SZT2: variants seen among roughly 807,000 people sequenced by gnomAD.
The protein encoded by SZT2 is SZT2 subunit of KICSTOR complex.
In SZT2, 216 loss-of-function variants were observed where a neutral mutation model predicts 404.2. The ratio of observed to expected loss-of-function variants is 0.53; its 90% CI spans 0.48 to 0.60. The LOEUF (loss-of-function observed/expected upper bound fraction) is 0.60, where lower values mean the gene tolerates loss of function less well. Ranked by LOEUF, SZT2 falls within the 20% of genes least tolerant of loss-of-function variation. SZT2 has a pLI of 0.00. For missense variants in SZT2, 3,857 were observed against 4,459.2 expected, an observed-to-expected ratio of 0.86 and a Z score of 3.85; for synonymous variants, 1,693 against 1,749.9, an observed-to-expected ratio of 0.97 and a Z score of 0.81.
At chr1:43,390,018 A>G (rs1648082704) in intron 1 of SZT2, 23 bp downstream of exon 1, 7 of 1,380,806 alleles carry the variant, frequency 5.1e-6, no homozygotes, top group Non-Finnish European at 6.5e-6. Context: ...CGGGCGCAGC[A>G]CTGGGCCCCG....
At chr1:43,407,767 AAAC>A (rs1396799576) in intron 4 of SZT2, among the ~76,000 whole-genome samples, 1 of 152,060 alleles carries the variant, frequency 6.6e-6, no homozygotes, top group Non-Finnish European at 1.5e-5. Context: ...CAATACCCAG[AAAC>A]AACAGGAGTT....
Position 43,425,409 on chromosome 1 carries a change from C to T in SZT2, c.2646-65C>T. The T allele has an allele frequency of 6.3e-7, 1 of 1,597,066 alleles. No homozygotes were observed. Among genetic ancestry groups the T allele is most frequent in the Non-Finnish European group, 8.6e-7 (1 of 1,169,430 alleles). On this transcript the variant is annotated intron_variant, in intron 18 of 71. Transcript: ENST00000634258. This position sits in a 1 kb window ranked among gnomAD's most constrained non-coding sequence, Gnocchi z 4.3. ...GGCTGTCCTCTGTGCCTGCCTCCTT[C>T]CCTCCATGAGGTTCACTCCCTGCCA...
chr1:43,450,277 G>GCCTCCTATCCCCACCCATGCCCTC lies in SZT2; in HGVS notation c.10156-58_10156-35dup. On this transcript the variant is annotated intron_variant, in intron 71 of 71. Coordinates refer to ENST00000634258, the MANE Select transcript of SZT2 (RefSeq NM_001365999.1). The surrounding 1 kb of genome is among the most constrained non-coding windows in gnomAD (Gnocchi z 4.3). ...GGGGTGCCCACCCTTTCTGAGCCCT[G>GCCTCCTATCCCCACCCATGCCCTC]CCTCCTATCCCCACCCATGCCCTCC... 1 of 1,613,536 alleles carries GCCTCCTATCCCCACCCATGCCCTC rather than the reference G, an allele frequency of 6.2e-7. No individual in the cohort carries two copies. Among genetic ancestry groups the GCCTCCTATCCCCACCCATGCCCTC allele is most frequent in the East Asian group, 2.2e-5 (1 of 44,884 alleles).
chr1:43,404,071 A>G (rs1650002371), intron 3 of SZT2: 2 of 518,122 alleles, frequency 3.9e-6, no homozygotes, highest in East Asian at 3.2e-5. Flanking sequence ...TTAGCCAGGC[A>G]TGCTGGCATG....
rs139763113 is a variant in SZT2, at chr1:43,425,323, G to T, written c.2645+116G>T. 1.2e-5 allele frequency: 18 copies of T among 1,511,516 alleles called. No homozygotes were observed. Among genetic ancestry groups the T allele is most frequent in the Non-Finnish European group, 1.6e-5 (18 of 1,102,856 alleles). 93.6% of individuals were successfully genotyped at this position (1,511,516 alleles called of 1,614,324 possible). A position where few individuals can be genotyped will look rare whatever the true frequency, so the allele number is the denominator to read the frequency against. ...TCTTGATCCCAAAGTCAGGGAGGGG[G>T]TGCGGTGTTTAGATGCTTCATCAGG... On this transcript the variant is annotated intron_variant, in intron 18 of 71. Transcript: ENST00000634258. The surrounding 1 kb of genome is among the most constrained non-coding windows in gnomAD (Gnocchi z 4.3).
At chr1:43,415,727 T>G (rs749371448) in intron 5 of SZT2, among the ~76,000 whole-genome samples, 3 of 152,234 alleles carry the variant, frequency 2.0e-5, no homozygotes, top group Admixed American at 2.0e-4. Flanking sequence ...CCTACTTCAG[T>G]ACAGTCTGAA....
At chr1:43,427,496 A>C in intron 25 of SZT2, 34 bp from the exon 26 acceptor site, 1 of 1,613,798 alleles carries the variant, frequency 6.2e-7, no homozygotes, top group Non-Finnish European at 8.5e-7. Flanking sequence ...AAACAGATAG[A>C]GCTGGAAGAC....
In SZT2 at chr1:43,404,507, C is replaced by A. The variant is rs148786528; in HGVS notation, c.455C>A (p.Thr152Asn). The change falls in exon 4 of 72, where the codon ACT (threonine) becomes AAT (asparagine). Residue 152 changes from threonine (T) to asparagine (N), a missense_variant. Transcript: ENST00000634258. ...GACTTCCAGCCTGAGATCTATGTAA[C>A]TATCCAGGCCTACTCCTCCATCATT... ...CIDFQPEIYV[T>N]IQAYSSIIGL... 6.2e-7 allele frequency: 1 copy of A among 1,613,838 alleles called. No homozygotes were observed. The highest frequency in any genetic ancestry group is 1.3e-5 in the African/African-American group (1 of 74,930).
chr1:43,430,328 C>T lies in SZT2; in HGVS notation c.4419C>T (p.Asp1473=), dbSNP rs377200944. The part of the protein sequence containing the change: ...SSRREDEGPR[D]TVDRKISDLE... ...TTGCCTAGGATGAGGGGCCTCGGGA[C>T]ACAGTAGACAGAAAAATCAGTGACC... is the stretch of plus-strand genomic sequence containing the variant. Residue 1473 remains aspartate, a synonymous_variant, in exon 31 of 72, where the codon GAC becomes GAT. Transcript: ENST00000634258. 149 of 1,612,270 alleles carry T rather than the reference C, an allele frequency of 9.2e-5. No individual in the cohort carries two copies. Among genetic ancestry groups the T allele is most frequent in the Middle Eastern group, 3.3e-4 (2 of 6,064 alleles).
chr1:43,449,794 A>C, intron 70 of SZT2: 1 of 483,886 alleles, frequency 2.1e-6, no homozygotes, highest in Non-Finnish European at 3.8e-6. Context: ...GTCCCAGGAC[A>C]GGAGGCAAGG....
chr1:43,409,388 A>C, intron 4 of SZT2: 1 of 279,538 alleles, frequency 3.6e-6, no homozygotes. Flanking sequence ...GAGGATTTTG[A>C]GCGTAAAAGA....
At position 43,452,901 on chromosome 1, in the gene SZT2, A is replaced by C; in HGVS notation, c.*2421A>C. 1.9e-6 allele frequency: 3 copies of C among 1,598,286 alleles called. No homozygotes were observed. Among genetic ancestry groups the C allele is most frequent in the Non-Finnish European group, 1.7e-6 (2 of 1,173,274 alleles). On this transcript the variant is annotated 3_prime_UTR_variant, in exon 72 of 72. Transcript: ENST00000634258. The stretch of plus-strand genomic sequence containing the variant: ...GCCTCCCCATCCCAACAGGCTACAT[A>C]CATGTCCAGCCTCAGGAACGCTGCC...
In SZT2 at chr1:43,427,340, A is replaced by C; in HGVS notation, c.3493A>C (p.Lys1165Gln). The change falls in exon 25 of 72, where the codon AAG becomes CAG. Residue 1165 changes from lysine (K) to glutamine (Q), a missense_variant. Coordinates refer to ENST00000634258, the MANE Select transcript of SZT2 (RefSeq NM_001365999.1). ...ACCCCCTCAAGAGGAGACAAAGCCT[A>C]AGTTTGGGGATTGGAGTGGGGCTCC... ...EGPPQEETKP[K>Q]FGDWSGAPSL... The C allele has an allele frequency of 6.2e-7, 1 of 1,613,974 alleles. No individual in the cohort carries two copies. The highest frequency in any genetic ancestry group is 8.5e-7 in the Non-Finnish European group (1 of 1,179,988).
chr1:43,445,593 A>G, intron 62 of SZT2: 2 of 433,418 alleles, frequency 4.6e-6, no homozygotes, highest in East Asian at 8.4e-5. Context: ...GTAGACAGGC[A>G]TCACCTTCCC....
At position 43,441,388 on chromosome 1, in the gene SZT2, TGTG is replaced by T; in HGVS notation, c.7511+18_7511+20del. On this transcript the variant is annotated intron_variant, in intron 53 of 71. Coordinates refer to ENST00000634258, the MANE Select transcript of SZT2 (RefSeq NM_001365999.1). The surrounding 1 kb of genome is among the most constrained non-coding windows in gnomAD (Gnocchi z 4.8). ...TGGAGCCCAGAGACAAAAGTATGTG[TGTG>T]GTGGTGGTGTGCCCTGGGAGGGTAT... 6.2e-7 allele frequency: 1 copy of T among 1,613,832 alleles called. No homozygotes were observed. The highest frequency in any genetic ancestry group is 8.5e-7 in the Non-Finnish European group (1 of 1,179,858).
chr1:43,450,189 G>T lies in SZT2; in HGVS notation c.10155+18G>T, dbSNP rs757881485. 1 of 1,614,084 alleles carries T rather than the reference G, an allele frequency of 6.2e-7. No homozygotes were observed. The highest frequency in any genetic ancestry group is 8.5e-7 in the Non-Finnish European group (1 of 1,179,950). ...GAAAGACGGTAAGAACGAGTGGGGGGCTTTGTGTCAGCCTCATGGGAGGCC... is the reference window on the plus strand; with the variant it reads ...GAAAGACGGTAAGAACGAGTGGGGGTCTTTGTGTCAGCCTCATGGGAGGCC... On this transcript the variant is annotated intron_variant, in intron 71 of 71. Transcript: ENST00000634258. This position sits in a 1 kb window ranked among gnomAD's most constrained non-coding sequence, Gnocchi z 4.3.
chr1:43,438,590 A>C (rs1570700230), intron 46 of SZT2, 109 bp from the exon 47 acceptor site: 2 of 1,047,484 alleles, frequency 1.9e-6, no homozygotes, highest in African/African-American at 3.2e-5. Context: ...CACTCCTAAC[A>C]CTGCCTCTAG....
At chr1:43,396,811 A>T (rs1305143893) in intron 1 of SZT2, among the ~76,000 whole-genome samples, 2 of 152,244 alleles carry the variant, frequency 1.3e-5, no homozygotes, top group Non-Finnish European at 2.9e-5. Context: ...GGGTTCCAGG[A>T]ACAATAAAGA....
intron 42 of SZT2, chr1:43,435,637 A>C: frequency 4.0e-6 from 1 of 247,036 alleles, no homozygotes; most frequent in Non-Finnish European, 7.8e-6. Flanking sequence ...TTGGCAGTGA[A>C]GAGACAGAGA....
Sources: allele counts gnomAD v4.1 joint callset (sites outside exome capture counted in the v4.1 genomes callset), GRCh38; gene constraint gnomAD v4.1.1; non-coding constraint Gnocchi (gnomAD v3.1); transcripts MANE v1.5; gene names NCBI Gene and HGNC (gene_info 2026-07-23, HGNC 2026-07-21).